The following DPF3 variants were observed in gnomAD, a reference collection of about 807,000 sequenced individuals.
DPF3 encodes double PHD fingers 3.
A neutral mutation model predicts 56.8 loss-of-function variants in DPF3; 18 were observed. The observed-to-expected ratio is 0.32, with a 90% confidence interval of 0.22 to 0.47. DPF3 has a LOEUF of 0.47. DPF3 is among the 20% of genes least tolerant of loss of function. The pLI is 1.00. For synonymous variants in DPF3, 188 were observed against 180.2 expected (o/e 1.04, Z -0.35); for missense variants, 403 against 488.8 (o/e 0.82, Z 1.65).
At chr14:72,663,509 T>C (rs999470658) in intron 8 of DPF3, among the ~76,000 whole-genome samples, 11 of 152,238 alleles carry the variant, frequency 7.2e-5, no homozygotes, top group African/African-American at 2.7e-4. Flanking sequence ...TTGTCAGCCT[T>C]GGAACCTGGT....
intron 1 of DPF3, among the ~76,000 whole-genome samples, chr14:72,886,861 A>G (rs950149322): frequency 2.0e-4 from 31 of 152,042 alleles, no homozygotes; most frequent in African/African-American, 7.2e-4. Flanking sequence ...GTCTTGGCTA[A>G]TACCCACTCA....
At chr14:72,694,403 A>C (rs1189011205) in intron 6 of DPF3, among the ~76,000 whole-genome samples, 1 of 152,204 alleles carries the variant, frequency 6.6e-6, no homozygotes, top group Non-Finnish European at 1.5e-5. Flanking sequence ...AGGAAGCATA[A>C]ATGCTTCACA....
intron 6 of DPF3, among the ~76,000 whole-genome samples, chr14:72,713,737 C>T (rs1888758762): frequency 6.6e-6 from 1 of 152,192 alleles, no homozygotes; most frequent in African/African-American, 2.4e-5. Flanking sequence ...CTGACCACCT[C>T]CCTCATCAAG....
chr14:72,745,209 G>A (rs1487930487), intron 3 of DPF3, among the ~76,000 whole-genome samples: 4 of 152,082 alleles, frequency 2.6e-5, no homozygotes, highest in Non-Finnish European at 2.9e-5. Flanking sequence ...ACAAATTATC[G>A]TTCTTCAGCA....
At chr14:72,792,267 A>T (rs535939650) in intron 1 of DPF3, among the ~76,000 whole-genome samples, 1 of 152,292 alleles carries the variant, frequency 6.6e-6, no homozygotes, top group East Asian at 1.9e-4. Context: ...ACAGGGTGAC[A>T]CAAAGAGGGG....
intron 1 of DPF3, among the ~76,000 whole-genome samples, chr14:72,861,787 G>GAA (rs1274062153): frequency 2.0e-5 from 3 of 149,620 alleles, no homozygotes; most frequent in Non-Finnish European, 3.0e-5. Flanking sequence ...AAGAAAGAAA[G>GAA]AAAGAAAGAA....
intron 2 of DPF3, among the ~76,000 whole-genome samples, chr14:72,765,744 G>A (rs946675309): frequency 6.6e-6 from 1 of 152,248 alleles, no homozygotes; most frequent in African/African-American, 2.4e-5. Flanking sequence ...TCAGGAGATC[G>A]AGACCATCCT....
intron 2 of DPF3, among the ~76,000 whole-genome samples, chr14:72,767,171 C>G (rs955972249): frequency 2.6e-5 from 4 of 152,172 alleles, no homozygotes; most frequent in Admixed American, 1.3e-4. Context: ...CCCCTACTAG[C>G]ATAGCTTGAA....
At chr14:72,878,544 G>C (rs1341376284) in intron 1 of DPF3, among the ~76,000 whole-genome samples, 1 of 152,200 alleles carries the variant, frequency 6.6e-6, no homozygotes, top group Non-Finnish European at 1.5e-5. Context: ...CCATTACAGT[G>C]CTTTGCATCT....
In DPF3 at chr14:72,609,214, T is replaced by G. The variant is rs1599296856; in HGVS notation, c.*10083A>C. ...GAGCATTCCATGGGATATCGAGGGGTCCCAAAGAAGAAGGCTGCTCGATCC... is the reference window on the plus strand; with the variant it reads ...GAGCATTCCATGGGATATCGAGGGGGCCCAAAGAAGAAGGCTGCTCGATCC... On this transcript the variant is annotated 3_prime_UTR_variant, in exon 11 of 11. Coordinates refer to ENST00000556509, the MANE Select transcript of DPF3 (RefSeq NM_001280542.3). 6.6e-6 allele frequency among the ~76,000 whole-genome samples: 1 copy of G among 151,430 alleles called. No homozygotes were observed.
chr14:72,893,625 G>A (rs926034184), intron 1 of DPF3, among the ~76,000 whole-genome samples: 9 of 151,846 alleles, frequency 5.9e-5, no homozygotes, highest in Non-Finnish European at 1.5e-5. Flanking sequence ...GGGGCGCGGG[G>A]CTCGGCCAAG....
chr14:72,680,500 C>T (rs187444936), intron 7 of DPF3, among the ~76,000 whole-genome samples: 133 of 152,330 alleles, frequency 8.7e-4, no homozygotes, highest in African/African-American at 3.2e-3. Context: ...TCAGAGCCCT[C>T]GACGGCAGAG....
intron 1 of DPF3, among the ~76,000 whole-genome samples, chr14:72,832,485 A>G (rs1884101544): frequency 1.3e-5 from 2 of 152,176 alleles, no homozygotes; most frequent in Admixed American, 1.3e-4. Context: ...CTTAGAATCC[A>G]AATACGATTT....
intron 8 of DPF3, among the ~76,000 whole-genome samples, chr14:72,630,575 A>G (rs112146366): frequency 2.0e-5 from 3 of 152,266 alleles, no homozygotes; most frequent in African/African-American, 4.8e-5. Flanking sequence ...GGTCACCTAA[A>G]AGAGAGATGC....
intron 2 of DPF3, among the ~76,000 whole-genome samples, chr14:72,768,539 T>C (rs76289799): frequency 3.3e-5 from 5 of 152,242 alleles, no homozygotes; most frequent in Non-Finnish European, 7.3e-5. Flanking sequence ...GTATTAATCT[T>C]GGAGGAAATT....
At chr14:72,816,359 T>C (rs1434804233) in intron 1 of DPF3, among the ~76,000 whole-genome samples, 1 of 152,248 alleles carries the variant, frequency 6.6e-6, no homozygotes, top group Non-Finnish European at 1.5e-5. Context: ...ACTTACGTTA[T>C]GTTATCTGGC....
At chr14:72,660,374 G>A (rs1476595313) in intron 8 of DPF3, among the ~76,000 whole-genome samples, 1 of 152,232 alleles carries the variant, frequency 6.6e-6, no homozygotes, top group Non-Finnish European at 1.5e-5. Flanking sequence ...CAGCATTACA[G>A]TGTCATGTTC....
At chr14:72,875,628 ACTGCTCC>A (rs1371879093) in intron 1 of DPF3, among the ~76,000 whole-genome samples, 1 of 152,208 alleles carries the variant, frequency 6.6e-6, no homozygotes, top group Non-Finnish European at 1.5e-5. Flanking sequence ...TCACACAGCA[ACTGCTCC>A]CAGCCTCCTG....
intron 1 of DPF3, among the ~76,000 whole-genome samples, chr14:72,878,678 T>C (rs1185855586): frequency 1.3e-5 from 2 of 152,226 alleles, no homozygotes; most frequent in Non-Finnish European, 1.5e-5. Context: ...AGTTGATTTA[T>C]CAGTGGCTAT....
Sources: allele counts gnomAD v4.1 joint callset (sites outside exome capture counted in the v4.1 genomes callset), GRCh38; gene constraint gnomAD v4.1.1; transcripts MANE v1.5; gene names NCBI Gene and HGNC (gene_info 2026-07-23, HGNC 2026-07-21).